The following RAP1GAP variants were observed in gnomAD, a reference collection of about 807,000 sequenced individuals.
RAP1GAP encodes rap1 GTPase-activating protein 1.
Under a neutral mutation model 87.2 loss-of-function variants are expected in RAP1GAP, and 35 were observed. That is an observed-to-expected ratio of 0.40 (90% CI 0.31 to 0.53). The LOEUF is 0.53. RAP1GAP is among the 20% of genes least tolerant of loss of function. RAP1GAP has a pLI of 0.48. For missense variants in RAP1GAP, 734 were observed against 898.9 expected, an observed-to-expected ratio of 0.82 and a Z score of 2.35; for synonymous variants, 375 against 363.9, an observed-to-expected ratio of 1.03 and a Z score of -0.35.
At position 21,606,146 on chromosome 1, in the gene RAP1GAP, T is replaced by C; in HGVS notation, c.1348A>G (p.Lys450Glu). 1 of 1,585,416 alleles carries C rather than the reference T, an allele frequency of 6.3e-7. No individual in the cohort carries two copies. The highest frequency in any genetic ancestry group is 2.3e-5 in the East Asian group (1 of 43,774). Reference sequence around the variant, plus strand: ...CTGGTGGACACGGTGTTGGGCTTCTTGTTGCTCAGCCCCATGGCATCCATG... The same window carrying C: ...CTGGTGGACACGGTGTTGGGCTTCTCGTTGCTCAGCCCCATGGCATCCATG... ...QSMDAMGLSN[K>E]KPNTVSTSHS... Residue 450 changes from lysine to glutamate, a missense_variant, in exon 18 of 25, where the codon AAG (lysine) becomes GAG (glutamate). Transcript: ENST00000374765.
intron 2 of RAP1GAP, among the ~76,000 whole-genome samples, chr1:21,639,534 G>A (rs1465828680): frequency 3.9e-5 from 6 of 152,136 alleles, no homozygotes; most frequent in Admixed American, 2.0e-4. Context: ...CTGTTTCCTC[G>A]GCTATAAAAT....
Position 21,622,231 on chromosome 1 carries a change from A to G in RAP1GAP, c.-18-2181T>C. On this transcript the variant is annotated intron_variant, in intron 3 of 24. Transcript: ENST00000374765. This position sits in a 1 kb window ranked among gnomAD's most constrained non-coding sequence, Gnocchi z 5.7. ...GAAGCTCACACGCCCACCATGACGGAGCCTTGTCCGCCCGCCCTGGCTGGG... is the reference window on the plus strand; with the variant it reads ...GAAGCTCACACGCCCACCATGACGGGGCCTTGTCCGCCCGCCCTGGCTGGG... 2.9e-6 allele frequency: 1 copy of G among 344,264 alleles called. No homozygotes were observed. The highest frequency in any genetic ancestry group is 5.4e-6 in the Non-Finnish European group (1 of 186,732). 21.3% of individuals were successfully genotyped at this position (344,264 alleles called of 1,614,324 possible).
chr1:21,617,187 G>T, intron 7 of RAP1GAP, 119 bp downstream of exon 7: 1 of 1,165,742 alleles, frequency 8.6e-7, no homozygotes, highest in Non-Finnish European at 1.2e-6. Flanking sequence ...ATTCACTCAG[G>T]GCTCTAGGAC....
At chr1:21,659,323 G>A (rs1558921120) in intron 1 of RAP1GAP, among the ~76,000 whole-genome samples, 2 of 152,222 alleles carry the variant, frequency 1.3e-5, no homozygotes, top group Non-Finnish European at 2.9e-5. Flanking sequence ...CCAGGACCAG[G>A]GACAGCGCCC....
chr1:21,646,441 A>C (rs181793895), intron 2 of RAP1GAP, among the ~76,000 whole-genome samples: 47 of 152,342 alleles, frequency 3.1e-4, no homozygotes, highest in African/African-American at 1.1e-3. Context: ...TTTGAGCCAG[A>C]GCCTCCACCA....
intron 18 of RAP1GAP, among the ~76,000 whole-genome samples, chr1:21,605,559 G>A (rs1222371670): frequency 1.3e-5 from 2 of 152,096 alleles, no homozygotes; most frequent in African/African-American, 2.4e-5. Flanking sequence ...CACACAGTGG[G>A]TGCTCACAGG....
In RAP1GAP at chr1:21,622,837, G is replaced by C. The variant is rs1468639776; in HGVS notation, c.-18-2787C>G. 1 of 152,174 alleles carries C rather than the reference G, an allele frequency of 6.6e-6. No homozygotes were observed. Among genetic ancestry groups the C allele is most frequent in the Non-Finnish European group, 1.5e-5 (1 of 68,040 alleles). 9.4% of individuals were successfully genotyped at this position (152,174 alleles called of 1,614,324 possible). ...CCGCCTCGGCATCAAGGACAGGGTT[G>C]GGTTACCTTGCAGACAGAGGGCTTT... On this transcript the variant is annotated intron_variant, in intron 3 of 24. Transcript: ENST00000374765. This position sits in a 1 kb window ranked among gnomAD's most constrained non-coding sequence, Gnocchi z 5.7.
chr1:21,627,328 G>A (rs1319899920), intron 2 of RAP1GAP, among the ~76,000 whole-genome samples: 1 of 152,136 alleles, frequency 6.6e-6, no homozygotes, highest in Non-Finnish European at 1.5e-5. Context: ...CAGAGCCGGG[G>A]CTGCCACACC....
chr1:21,610,799 A>T (rs1570633345), intron 13 of RAP1GAP, among the ~76,000 whole-genome samples: 1 of 152,224 alleles, frequency 6.6e-6, no homozygotes, highest in East Asian at 1.9e-4. Flanking sequence ...TCATGTTGCT[A>T]AAATGAACAC....
chr1:21,604,062 A>G lies in RAP1GAP; in HGVS notation c.1429-1149T>C, dbSNP rs532651740. 2.9e-4 allele frequency: 187 copies of G among 651,884 alleles called. 2 individuals are homozygous for G. The African/African-American group carries it at 3.0e-3, about 11-fold the overall frequency. 40.4% of individuals were successfully genotyped at this position (651,884 alleles called of 1,614,324 possible). ...AAAGGAAGAGAACGGTGCAGGAGGC[A>G]ATGGGAGAGATAGGGCCGGGGAAAG... On this transcript the variant is annotated intron_variant, in intron 18 of 24. Coordinates refer to ENST00000374765, the MANE Select transcript of RAP1GAP (RefSeq NM_002885.4).
At chr1:21,620,825 T>C (rs2086697115) in intron 3 of RAP1GAP, among the ~76,000 whole-genome samples, 1 of 151,458 alleles carries the variant, frequency 6.6e-6, no homozygotes, top group Non-Finnish European at 1.5e-5. Flanking sequence ...ACATGTGCTA[T>C]GGAGTTGTAC....
rs574510162 is a variant in RAP1GAP at position 21,624,911 on chromosome 1, C to T, written c.-19+1393G>A. Among the ~76,000 whole-genome samples the T allele has an allele frequency of 2.1e-4, 32 of 152,298 alleles. 3 individuals are homozygous for T. The South Asian group carries it at 6.4e-3, about 31-fold the overall frequency. On this transcript the variant is annotated intron_variant, in intron 3 of 24. Transcript: ENST00000374765. ...GGGAGGGGAAGCTGTGGTCCGAGGGCATACAGCCCTTGGTGAGAACCCAGG... is the reference window on the plus strand; with the variant it reads ...GGGAGGGGAAGCTGTGGTCCGAGGGTATACAGCCCTTGGTGAGAACCCAGG...
intron 2 of RAP1GAP, among the ~76,000 whole-genome samples, chr1:21,640,476 T>C (rs1465898428): frequency 6.6e-6 from 1 of 152,228 alleles, no homozygotes; most frequent in East Asian, 1.9e-4. Flanking sequence ...TGTGCCTCTA[T>C]GTTCATGATG....
intron 2 of RAP1GAP, among the ~76,000 whole-genome samples, chr1:21,643,510 T>G (rs977841774): frequency 5.5e-5 from 8 of 145,852 alleles, no homozygotes; most frequent in African/African-American, 2.0e-4. Context: ...TGAGCCAAGA[T>G]CGTGCCACTG....
At chr1:21,614,598 C>T (rs969126623) in intron 7 of RAP1GAP, among the ~76,000 whole-genome samples, 3 of 152,208 alleles carry the variant, frequency 2.0e-5, no homozygotes, top group Non-Finnish European at 2.9e-5. Flanking sequence ...AAACATCTCA[C>T]AACACACAGG....
intron 21 of RAP1GAP, 57 bp from the exon 22 acceptor site, chr1:21,598,559 G>C (rs1396794891): frequency 2.1e-6 from 3 of 1,408,402 alleles, no homozygotes; most frequent in African/African-American, 2.8e-5. Flanking sequence ...GCACTGGCTA[G>C]GGCTCCCTCC....
Position 21,617,462 on chromosome 1 carries a change from GA to G in RAP1GAP, c.134del (p.Leu45ProfsTer35). ...EVLGREGPFP[L>X]ILLPQFGGYW... The stretch of plus-strand genomic sequence containing the variant: ...AGCCCCCAAACTGGGGCAGCAGGAT[GA>G]GGGGGAAGGGTCCTTCTCGCCCCAA... On this transcript the variant is annotated frameshift_variant, in exon 7 of 25. Transcript: ENST00000374765. LOFTEE classifies it high-confidence loss of function. 6.2e-7 allele frequency: 1 copy of G among 1,605,176 alleles called. No individual in the cohort carries two copies. The highest frequency in any genetic ancestry group is 8.5e-7 in the Non-Finnish European group (1 of 1,176,292).
At chr1:21,641,789 A>C (rs978128383) in intron 2 of RAP1GAP, among the ~76,000 whole-genome samples, 3 of 152,224 alleles carry the variant, frequency 2.0e-5, no homozygotes, top group Non-Finnish European at 4.4e-5. Flanking sequence ...CTTAGGGACA[A>C]GCTAACTCCA....
At chr1:21,597,293 A>G in intron 24 of RAP1GAP, 29 bp from the exon 25 acceptor site, 1 of 191,526 alleles carries the variant, frequency 5.2e-6, no homozygotes, top group Non-Finnish European at 1.1e-5. Flanking sequence ...TGGAGACACC[A>G]TGAAACATGG....
Sources: gnomAD v4.1 joint callset for allele counts (sites outside exome capture counted in the v4.1 genomes callset) on GRCh38, gnomAD v4.1.1 for gene constraint, Gnocchi (gnomAD v3.1) non-coding constraint, MANE v1.5 for transcripts, NCBI Gene and HGNC (gene_info 2026-07-23, HGNC 2026-07-21) for gene names.